Variants in XIRP2 observed in about 807,000 individuals in gnomAD.
XIRP2 encodes xin actin binding repeat containing 2, also known as xin actin-binding repeat-containing protein 2.
In XIRP2, 236 loss-of-function variants were observed where a neutral mutation model predicts 277.0. The ratio of observed to expected loss-of-function variants is 0.85; its 90% CI spans 0.77 to 0.95. XIRP2 has a LOEUF of 0.95. Among genes scored for constraint, XIRP2 ranks in the 40% least tolerant of loss-of-function variants. The pLI, the probability that XIRP2 is intolerant of heterozygous loss-of-function variation, is 0.00. For synonymous variants in XIRP2, 1,490 were observed against 1,416.5 expected, an observed-to-expected ratio of 1.05 and a Z score of -1.17; for missense variants, 4,640 against 4,157.5, an observed-to-expected ratio of 1.12 and a Z score of -3.19.
chr2:167,098,799 C>G (rs189582911), intron 2 of XIRP2, among the ~76,000 whole-genome samples: 1 of 152,166 alleles, frequency 6.6e-6, no homozygotes, highest in Non-Finnish European at 1.5e-5. Context: ...ACAGTCAGGC[C>G]GCTCTTCTGC....
chr2:167,243,450 G>A lies in XIRP2; in HGVS notation c.2058G>A (p.Gly686=). The change falls in exon 9 of 11, where the codon GGG becomes GGA. Residue 686 remains glycine (G), a synonymous_variant. Coordinates refer to ENST00000409195, the MANE Select transcript of XIRP2 (RefSeq NM_152381.6). ...SAVTISKDIT[G]GDVKTVRYMF... is the part of the protein sequence containing the mutation. ...TAACTATCAGTAAGGACATAACTGGGGGGGATGTCAAGACTGTGAGATACA... is the reference window on the plus strand; with the variant it reads ...TAACTATCAGTAAGGACATAACTGGAGGGGATGTCAAGACTGTGAGATACA... The A allele has an allele frequency of 6.2e-7, 1 of 1,614,012 alleles. No homozygotes were observed. Among genetic ancestry groups the A allele is most frequent in the African/African-American group, 1.3e-5 (1 of 74,994 alleles).
chr2:167,166,858 A>G (rs1461368451), intron 3 of XIRP2, among the ~76,000 whole-genome samples: 1 of 152,154 alleles, frequency 6.6e-6, no homozygotes, highest in Non-Finnish European at 1.5e-5. Flanking sequence ...TCCAAATTAT[A>G]TCAATGGTGT....
chr2:167,069,178 C>T (rs914463089), intron 2 of XIRP2, among the ~76,000 whole-genome samples: 1 of 152,180 alleles, frequency 6.6e-6, no homozygotes, highest in Admixed American at 6.5e-5. Flanking sequence ...CTACACATTA[C>T]TTCATTTGCA....
intron 5 of XIRP2, among the ~76,000 whole-genome samples, chr2:167,228,730 T>A (rs2105414147): frequency 6.6e-6 from 1 of 152,132 alleles, no homozygotes; most frequent in East Asian, 1.9e-4. Context: ...TTTGAAAAAA[T>A]CATCATTGGT....
rs554575991 is a variant in XIRP2 at position 167,258,106 on chromosome 2, A to G, written c.*289A>G. ...AACATTTAGATGCTGGTAACAGTGA[A>G]GGGCAAAGGAATGATTTGAGAAAAT... On this transcript the variant is annotated 3_prime_UTR_variant, in exon 11 of 11. Coordinates refer to ENST00000409195, the MANE Select transcript of XIRP2 (RefSeq NM_152381.6). 1 of 1,613,224 alleles carries G rather than the reference A, an allele frequency of 6.2e-7. No homozygotes were observed. The highest frequency in any genetic ancestry group is 1.3e-5 in the African/African-American group (1 of 74,954).
intron 9 of XIRP2, 127 bp from the exon 10 acceptor site, chr2:167,253,905 G>T: frequency 1.9e-6 from 2 of 1,067,540 alleles, no homozygotes; most frequent in Non-Finnish European, 2.6e-6. Context: ...AACATCATAA[G>T]GACAGTAGTC....
At chr2:166,931,404 C>G (rs1685333198) in intron 2 of XIRP2, among the ~76,000 whole-genome samples, 1 of 152,136 alleles carries the variant, frequency 6.6e-6, no homozygotes, top group Non-Finnish European at 1.5e-5. Flanking sequence ...TCAAGACCTT[C>G]CCTCAAGCTC....
At chr2:166,984,705 G>T (rs1686957575) in intron 2 of XIRP2, among the ~76,000 whole-genome samples, 1 of 152,080 alleles carries the variant, frequency 6.6e-6, no homozygotes, top group African/African-American at 2.4e-5. Context: ...AGCAAAATGT[G>T]GTTCTAATGA....
intron 2 of XIRP2, among the ~76,000 whole-genome samples, chr2:166,939,644 C>T (rs1685632763): frequency 7.6e-6 from 1 of 132,220 alleles, no homozygotes. Context: ...CACGCCACTG[C>T]ACTCTGGCCT....
At chr2:167,052,726 C>A (rs1452369854) in intron 2 of XIRP2, among the ~76,000 whole-genome samples, 1 of 152,164 alleles carries the variant, frequency 6.6e-6, no homozygotes, top group Middle Eastern at 3.4e-3. Flanking sequence ...GATCCAAAAG[C>A]CATTTAAAAA....
In XIRP2 at chr2:167,244,014, T is replaced by C. The variant is rs372780997; in HGVS notation, c.2622T>C (p.Thr874=). The C allele has an allele frequency of 2.3e-5, 37 of 1,613,886 alleles. No homozygotes were observed. Among genetic ancestry groups the C allele is most frequent in the Non-Finnish European group, 3.1e-5 (36 of 1,179,954 alleles). ...REEIIGGDVQ[T]TKHLFETLPI... is the part of the protein sequence containing the mutation. ...AGATAATAGGTGGTGATGTACAAAC[T>C]ACTAAGCATCTATTTGAAACACTTC... Residue 874 remains threonine (T), a synonymous_variant, in exon 9 of 11, where the codon ACT becomes ACC. Coordinates refer to ENST00000409195, the MANE Select transcript of XIRP2 (RefSeq NM_152381.6).
Position 166,903,476 on chromosome 2 carries a change from C to A in XIRP2, c.-7C>A. 6.2e-7 allele frequency: 1 copy of A among 1,608,542 alleles called. No individual in the cohort carries two copies. Reference sequence around the variant, plus strand: ...TCTTGATATTGCAGGACAACCTGGACCCATCCATGTTCCCAATGCAGAAGG... The same window carrying A: ...TCTTGATATTGCAGGACAACCTGGAACCATCCATGTTCCCAATGCAGAAGG... On this transcript the variant is annotated 5_prime_UTR_variant, in exon 2 of 11. Transcript: ENST00000409195.
chr2:167,037,633 C>T (rs1472303483), intron 2 of XIRP2, among the ~76,000 whole-genome samples: 2 of 151,318 alleles, frequency 1.3e-5, no homozygotes, highest in Non-Finnish European at 2.9e-5. Flanking sequence ...TTTGGATGTA[C>T]ACCCTGAGAC....
Position 167,245,796 on chromosome 2 carries a change from G to T in XIRP2, c.4404G>T (p.Gly1468=), listed in dbSNP as rs768569491. ...CTATGGATGAACTGAGAGGAGAAGGGTTAGAATATGAAAATATCAAGACAG... is the reference window on the plus strand; with the variant it reads ...CTATGGATGAACTGAGAGGAGAAGGTTTAGAATATGAAAATATCAAGACAG... ...THTMDELRGE[G]LEYENIKTVT... is the part of the protein sequence containing the mutation. Residue 1468 remains glycine (G), a synonymous_variant, in exon 9 of 11, where the codon GGG becomes GGT. Coordinates refer to ENST00000409195, the MANE Select transcript of XIRP2 (RefSeq NM_152381.6). The T allele has an allele frequency of 4.3e-6, 7 of 1,613,558 alleles. No individual in the cohort carries two copies. The highest frequency in any genetic ancestry group is 5.9e-6 in the Non-Finnish European group (7 of 1,179,760).
chr2:166,922,940 T>G (rs769363175), intron 2 of XIRP2, among the ~76,000 whole-genome samples: 30 of 151,868 alleles, frequency 2.0e-4, no homozygotes, highest in Non-Finnish European at 4.0e-4. Context: ...TTATCCTATC[T>G]TCTTTATTAT....
At chr2:167,158,743 A>G (rs189089502) in intron 3 of XIRP2, among the ~76,000 whole-genome samples, 142 of 152,374 alleles carry the variant, frequency 9.3e-4, no homozygotes, top group African/African-American at 3.1e-3. Context: ...TATGACATTT[A>G]ACCATGAAAA....
Position 167,250,047 on chromosome 2 carries a change from A to T in XIRP2, c.8655A>T (p.Lys2885Asn). 6.2e-7 allele frequency: 1 copy of T among 1,613,638 alleles called. No individual in the cohort carries two copies. The highest frequency in any genetic ancestry group is 8.5e-7 in the Non-Finnish European group (1 of 1,179,706). Residue 2885 changes from lysine to asparagine, a missense_variant, in exon 9 of 11, where the codon AAA becomes AAT. Physicochemically the swap from Lys to Asn is moderately conservative, Grantham distance 94. Transcript: ENST00000409195. ...CTGAAAGTAAAGCTGAACATAAAAA[A>T]TTGCCCCAGCCATATAATAGTCTGC... ...QTAESKAEHK[K>N]LPQPYNSLQE...
chr2:167,168,746 C>G (rs1216800189), intron 3 of XIRP2, among the ~76,000 whole-genome samples: 1 of 152,156 alleles, frequency 6.6e-6, no homozygotes, highest in African/African-American at 2.4e-5. Flanking sequence ...TCCCAAGTAG[C>G]TGGGACTATA....
chr2:166,944,587 A>G (rs756766076), intron 2 of XIRP2, among the ~76,000 whole-genome samples: 5 of 152,246 alleles, frequency 3.3e-5, no homozygotes, highest in Non-Finnish European at 5.9e-5. Context: ...AAGTTATAAG[A>G]TCAAAACTCA....
Sources: gnomAD v4.1 joint callset for allele counts (sites outside exome capture counted in the v4.1 genomes callset) on GRCh38, gnomAD v4.1.1 for gene constraint, MANE v1.5 for transcripts, NCBI Gene and HGNC (gene_info 2026-07-23, HGNC 2026-07-21) for gene names.